BLTP1: variants seen among roughly 807,000 people sequenced by gnomAD.
BLTP1 encodes fragile site-associated protein.
the BLTP1 span, chr4:122,246,013 T>G: frequency 1.1e-6 from 1 of 934,878 alleles, no homozygotes; most frequent in Non-Finnish European, 1.4e-6. Flanking sequence ...AGTTTGGATT[T>G]TAAGGTGGGA....
the BLTP1 span, chr4:122,170,326 A>G: frequency 2.1e-6 from 2 of 962,878 alleles, no homozygotes; most frequent in Non-Finnish European, 2.5e-6. Context: ...AAAAAAAAAA[A>G]AAGAATAATC....
At chr4:122,215,376 T>C in the BLTP1 span, 1 of 984,076 alleles carries the variant, frequency 1.0e-6, no homozygotes, top group Non-Finnish European at 1.2e-6. Context: ...ATAAGAGATC[T>C]GTTGGCTAGG....
the BLTP1 span, chr4:122,307,505 A>G: frequency 1.0e-6 from 1 of 985,240 alleles, no homozygotes; most frequent in Non-Finnish European, 1.2e-6. Flanking sequence ...TCTGTTTAAC[A>G]AACTCAAACA....
At chr4:122,240,193 A>G in the BLTP1 span, 55 of 1,614,030 alleles carry the variant, frequency 3.4e-5, no homozygotes, top group Non-Finnish European at 4.1e-5. Flanking sequence ...AATTGTTATC[A>G]GACTTACCTT....
chr4:122,235,043 C>T, the BLTP1 span: 1 of 1,571,882 alleles, frequency 6.4e-7, no homozygotes, highest in Non-Finnish European at 8.7e-7. Flanking sequence ...TGTTTCGTCA[C>T]TTGTGCTAAT....
At chr4:122,246,412 AAT>A in the BLTP1 span, 20 of 1,116,748 alleles carry the variant, frequency 1.8e-5, no homozygotes, top group African/African-American at 4.8e-5. Flanking sequence ...ATATTAAAAA[AAT>A]ATGTTTTATT....
the BLTP1 span, chr4:122,208,742 G>A: frequency 1.4e-5 from 11 of 804,514 alleles, no homozygotes; most frequent in African/African-American, 1.9e-5. Context: ...CCTGACTGTC[G>A]AATGCAAAAT....
At chr4:122,190,094 G>A in the BLTP1 span, 1 of 1,611,606 alleles carries the variant, frequency 6.2e-7, no homozygotes, top group Non-Finnish European at 8.5e-7. Context: ...TGTTGTTGTT[G>A]TTGTTGCTGT....
the BLTP1 span, chr4:122,279,687 G>GAGAGCAAGAAAAT: frequency 1.1e-5 from 15 of 1,411,766 alleles, no homozygotes; most frequent in Non-Finnish European, 1.4e-5. Flanking sequence ...AAATTTATAA[G>GAGAGCAAGAAAAT]TATTTTTCTT....
chr4:122,348,501 G>T, the BLTP1 span: 13 of 1,365,186 alleles, frequency 9.5e-6, no homozygotes, highest in East Asian at 2.7e-4. Context: ...AATAAAAATA[G>T]TTTTTGCTTT....
chr4:122,307,408 T>C, the BLTP1 span: 425 of 929,466 alleles, frequency 4.6e-4, 2 homozygotes, highest in African/African-American at 7.2e-3. Context: ...TCCTCCTACT[T>C]CTCTGGCCTC....
the BLTP1 span, chr4:122,279,678 A>G: frequency 2.2e-6 from 3 of 1,379,032 alleles, no homozygotes; most frequent in South Asian, 4.4e-5. Context: ...AGACCTCTCA[A>G]ATTTATAAGT....
At chr4:122,262,589 C>T in the BLTP1 span, 28 of 293,734 alleles carry the variant, frequency 9.5e-5, no homozygotes, top group Non-Finnish European at 1.3e-4. Flanking sequence ...TTTTTACCTA[C>T]ATTTAAGGAC....
At chr4:122,265,385 A>G in the BLTP1 span, among the ~76,000 whole-genome samples, 1 of 152,136 alleles carries the variant, frequency 6.6e-6, no homozygotes, top group Non-Finnish European at 1.5e-5. Context: ...TTACATTGTT[A>G]TATTTTATTG....
At chr4:122,227,350 A>G in the BLTP1 span, 15 of 985,546 alleles carry the variant, frequency 1.5e-5, no homozygotes, top group African/African-American at 3.5e-5. Flanking sequence ...AAGGGTTGCA[A>G]AAAGTAGATG....
chr4:122,197,563 T>A, the BLTP1 span: 1 of 496,078 alleles, frequency 2.0e-6, no homozygotes. Context: ...CCAGTTAGAC[T>A]GTTGCACTTT....
At chr4:122,302,603 C>T in the BLTP1 span, among the ~76,000 whole-genome samples, 18 of 152,244 alleles carry the variant, frequency 1.2e-4, no homozygotes, top group South Asian at 8.3e-4. Context: ...AAGCTAGAAA[C>T]GATTAAGCTT....
the BLTP1 span, among the ~76,000 whole-genome samples, chr4:122,167,191 TTA>T: frequency 6.6e-6 from 1 of 152,208 alleles, no homozygotes; most frequent in African/African-American, 2.4e-5. Flanking sequence ...ACAGCTATAT[TTA>T]TGTCTATATC....
At chr4:122,176,314 AAAAAG>A in the BLTP1 span, among the ~76,000 whole-genome samples, 5 of 151,728 alleles carry the variant, frequency 3.3e-5, no homozygotes, top group African/African-American at 1.2e-4. Flanking sequence ...AAAAAAAAAG[AAAAAG>A]AAAAGTTTAA....
Sources: allele counts gnomAD v4.1 joint callset (sites outside exome capture counted in the v4.1 genomes callset), GRCh38; gene constraint gnomAD v4.1.1; transcripts MANE v1.5; gene names NCBI Gene and HGNC (gene_info 2026-07-23, HGNC 2026-07-21).